The following HOMER2 variants were observed in gnomAD, a reference collection of about 807,000 sequenced individuals.
The protein encoded by HOMER2 is homer protein homolog 2.
In HOMER2, 27 loss-of-function variants were observed where a neutral mutation model predicts 47.0. That is an observed-to-expected ratio of 0.57 (90% CI 0.42 to 0.79). HOMER2 has a LOEUF of 0.79. Among genes scored for constraint, HOMER2 ranks in the 30% least tolerant of loss-of-function variants. The pLI is 0.00. For missense variants in HOMER2, 443 were observed against 435.0 expected (o/e 1.02, Z -0.16); for synonymous variants, 161 against 163.8 (o/e 0.98, Z 0.13).
chr15:82,985,804 GGA>G (rs1373254368), exon 1 of HOMER2: 1 of 152,450 alleles, frequency 6.6e-6, no homozygotes, highest in African/African-American at 2.4e-5. Context: ...TGCCCAGGCA[GGA>G]GAGAAAGGTG....
chr15:82,933,956 T>C (rs1199702190), intron 1 of HOMER2, among the ~76,000 whole-genome samples: 1 of 152,148 alleles, frequency 6.6e-6, no homozygotes, highest in East Asian at 1.9e-4. Context: ...GAGTTCTCCC[T>C]GCCCTGGATG....
chr15:82,908,262 T>C (rs1224565814), intron 1 of HOMER2, among the ~76,000 whole-genome samples: 1 of 152,320 alleles, frequency 6.6e-6, no homozygotes, highest in Non-Finnish European at 1.5e-5. Context: ...ATAATGAATG[T>C]ATATTATGTG....
At chr15:82,893,576 C>T (rs2052796362) in intron 1 of HOMER2, among the ~76,000 whole-genome samples, 1 of 151,018 alleles carries the variant, frequency 6.6e-6, no homozygotes, top group African/African-American at 2.4e-5. Flanking sequence ...TGTGATCCGC[C>T]TGCCTCGGGC....
At chr15:82,851,586 G>T (rs74028597) in intron 7 of HOMER2, among the ~76,000 whole-genome samples, 256 of 152,294 alleles carry the variant, frequency 1.7e-3, no homozygotes, top group African/African-American at 6.0e-3. Flanking sequence ...GGCCAGGCAT[G>T]GTGGCAGTGA....
chr15:82,836,049 G>A (rs1256574231), downstream of HOMER2: 1 of 152,118 alleles, frequency 6.6e-6, no homozygotes, highest in Non-Finnish European at 1.5e-5. Context: ...AACACAAGAG[G>A]CCTTTGAAAA....
At chr15:82,907,352 A>G (rs1014665738) in intron 1 of HOMER2, among the ~76,000 whole-genome samples, 4 of 151,672 alleles carry the variant, frequency 2.6e-5, no homozygotes, top group Non-Finnish European at 2.9e-5. Context: ...GCCAGACCCT[A>G]TCAGAAAGAA....
rs1186408826 is a variant in HOMER2, at chr15:82,913,741, T to C, written c.6-20900A>G. On this transcript the variant is annotated intron_variant, in intron 1 of 8. Coordinates refer to ENST00000450735, the MANE Select transcript of HOMER2 (RefSeq NM_004839.4). This position sits in a 1 kb window ranked among gnomAD's most constrained non-coding sequence, Gnocchi z 4.1. ...AGAATCCCCCACTGCCAGTCCCTCA[T>C]CCTGGCTCCCTGGGAATTCTCAGGT... 6.6e-6 allele frequency among the ~76,000 whole-genome samples: 1 copy of C among 152,218 alleles called. No homozygotes were observed. Among genetic ancestry groups the C allele is most frequent in the Non-Finnish European group, 1.5e-5 (1 of 68,044 alleles).
At chr15:82,964,994 A>C (rs1253894141) in intron 1 of HOMER2, among the ~76,000 whole-genome samples, 1 of 152,146 alleles carries the variant, frequency 6.6e-6, no homozygotes, top group African/African-American at 2.4e-5. Flanking sequence ...TAGACTTAGG[A>C]AATTCCAATA....
chr15:82,861,281 T>C (rs1178891246), intron 4 of HOMER2, among the ~76,000 whole-genome samples: 2 of 152,212 alleles, frequency 1.3e-5, no homozygotes, highest in Non-Finnish European at 2.9e-5. Flanking sequence ...ACAGTGTTAT[T>C]TATATTAGTG....
intron 2 of HOMER2, among the ~76,000 whole-genome samples, 183 bp from the exon 3 acceptor site, chr15:82,875,587 G>C (rs1346163831): frequency 6.6e-6 from 1 of 152,192 alleles, no homozygotes; most frequent in African/African-American, 2.4e-5. Context: ...TGCTGAGTCA[G>C]ATACACAACC....
At chr15:82,961,698 A>T (rs548337343) in intron 1 of HOMER2, among the ~76,000 whole-genome samples, 2 of 151,938 alleles carry the variant, frequency 1.3e-5, no homozygotes, top group Non-Finnish European at 2.9e-5. Flanking sequence ...AAGTGGCACT[A>T]AGTATATTCA....
Position 82,854,637 on chromosome 15 carries a change from T to C in HOMER2, c.651+7A>G, listed in dbSNP as rs776756244. The C allele has an allele frequency of 1.1e-5, 17 of 1,610,770 alleles. No homozygotes were observed. Among genetic ancestry groups the C allele is most frequent in the Non-Finnish European group, 1.4e-5 (17 of 1,178,854 alleles). On this transcript the variant is annotated splice_region_variant and intron_variant, in intron 6 of 8. Transcript: ENST00000450735. ...GCCTCGGGGCTCACTGCATCCACCG[T>C]ACCCACCTTGTTGCGGAGCCGGTCA...
At chr15:82,875,241 G>T in intron 3 of HOMER2, 32 bp downstream of exon 3, 7 of 1,608,874 alleles carry the variant, frequency 4.4e-6, no homozygotes, top group Non-Finnish European at 5.9e-6. Flanking sequence ...TCTGATGCGG[G>T]ATTTACTGCA....
intron 1 of HOMER2, among the ~76,000 whole-genome samples, chr15:82,931,343 A>T (rs1596364549): frequency 6.6e-6 from 1 of 152,308 alleles, no homozygotes; most frequent in East Asian, 1.9e-4. Context: ...ACTCCACTTA[A>T]TTATTTAAGG....
chr15:82,868,521 T>TATATATATA (rs1596312816), intron 3 of HOMER2, among the ~76,000 whole-genome samples: 1 of 15,516 alleles, frequency 6.4e-5, no homozygotes, highest in African/African-American at 4.8e-4. Flanking sequence ...CACTTATTTA[T>TATATATATA]TTTATATATA....
intron 1 of HOMER2, among the ~76,000 whole-genome samples, chr15:82,977,284 G>T (rs2030237867): frequency 6.6e-6 from 1 of 152,210 alleles, no homozygotes. Context: ...CAAGGCACAT[G>T]TGTTATCTGA....
intron 1 of HOMER2, among the ~76,000 whole-genome samples, chr15:82,897,310 T>A (rs1297678633): frequency 6.6e-6 from 1 of 152,080 alleles, no homozygotes; most frequent in Non-Finnish European, 1.5e-5. Context: ...ATGATCCACA[T>A]GCCTCGGCCT....
At chr15:82,928,965 T>G (rs993736373) in intron 1 of HOMER2, among the ~76,000 whole-genome samples, 1 of 42,906 alleles carries the variant, frequency 2.3e-5, no homozygotes, top group African/African-American at 2.2e-4. Context: ...AAAAAAGCTG[T>G]CATGCATCTT....
chr15:82,854,757 G>C lies in HOMER2; in HGVS notation c.538C>G (p.Arg180Gly). Residue 180 changes from arginine (R) to glycine (G), a missense_variant, in exon 6 of 9, where the codon CGG (arginine) becomes GGG (glycine). By Grantham distance (125) the Arg-to-Gly change is moderately radical. Transcript: ENST00000450735. The part of the protein sequence containing the change: ...KKWEIELQTL[R>G]ESNARLTTAL... ...GTGGTCAGCCGTGCATTGCTCTCCC[G>C]AAGGGTCTGCAGCTCGATCTCCCAC... 1.2e-6 allele frequency: 2 copies of C among 1,611,778 alleles called. No homozygotes were observed. The highest frequency in any genetic ancestry group is 1.7e-6 in the Non-Finnish European group (2 of 1,179,776).
Sources: gnomAD v4.1 joint callset for allele counts (sites outside exome capture counted in the v4.1 genomes callset) on GRCh38, gnomAD v4.1.1 for gene constraint, Gnocchi (gnomAD v3.1) non-coding constraint, MANE v1.5 for transcripts, NCBI Gene and HGNC (gene_info 2026-07-23, HGNC 2026-07-21) for gene names.